Variants in DNAH1 observed in about 807,000 individuals in gnomAD.
The protein encoded by DNAH1 is axonemal beta dynein heavy chain 1.
DNAH1 carries 327 observed loss-of-function variants against 484.3 expected under a neutral mutation model. That is an observed-to-expected ratio of 0.68 (90% confidence interval 0.62 to 0.74). The LOEUF (loss-of-function observed/expected upper bound fraction) is 0.74, where lower values mean the gene tolerates loss of function less well. Among genes scored for constraint, DNAH1 ranks in the 30% least tolerant of loss-of-function variants. The probability of loss-of-function intolerance (pLI) is 0.00; values close to 1 mark genes in which losing one functional copy is unlikely to be tolerated. For synonymous variants in DNAH1, 2,192 were observed against 2,191.9 expected (o/e 1.00, Z 0.00); for missense variants, 5,052 against 5,546.8 (o/e 0.91, Z 2.83).
At chr3:52,314,536 C>A (rs777996354), upstream of DNAH1, among the ~76,000 whole-genome samples, 16 of 152,204 alleles carry the variant, frequency 1.1e-4, no homozygotes, top group Non-Finnish European at 1.8e-4. Context: ...ATCTTCCAGT[C>A]ATTTCTATGG....
In DNAH1 at chr3:52,384,781, C is replaced by T; in HGVS notation, c.8323-5C>T. ...AGGCCGGCATCCATGGTCTTCCTCC[C>T]CCAGATCCAGGTCTGTGTGTACATC... is the stretch of plus-strand genomic sequence containing the variant. On this transcript the variant is annotated splice_polypyrimidine_tract_variant and splice_region_variant and intron_variant, in intron 52 of 77. Transcript: ENST00000420323. 6.3e-7 allele frequency: 1 copy of T among 1,596,828 alleles called. No individual in the cohort carries two copies. Among genetic ancestry groups the T allele is most frequent in the Non-Finnish European group, 8.5e-7 (1 of 1,171,274 alleles).
At chr3:52,322,811 C>A (rs934834510) in intron 2 of DNAH1, 36 bp downstream of exon 2, 1 of 1,543,056 alleles carries the variant, frequency 6.5e-7, no homozygotes, top group Admixed American at 1.9e-5. Flanking sequence ...AAGCCTCAAC[C>A]CTTCCTCTGG....
Position 52,394,668 on chromosome 3 carries a change from T to G in DNAH1, c.10823+7T>G. ...ACAGCCTTGAGCCCCACCGGTTAGC[T>G]GGGCCCCAGAATATGGCAGGATGAG... On this transcript the variant is annotated splice_region_variant and intron_variant, in intron 67 of 77. Coordinates refer to ENST00000420323, the MANE Select transcript of DNAH1 (RefSeq NM_015512.5). 1 of 1,559,316 alleles carries G rather than the reference T, an allele frequency of 6.4e-7. No individual in the cohort carries two copies. Among genetic ancestry groups the G allele is most frequent in the Non-Finnish European group, 8.7e-7 (1 of 1,148,918 alleles).
At position 52,353,322 on chromosome 3, in the gene DNAH1, A is replaced by G. The variant is rs1272542960; in HGVS notation, c.3226+21A>G. 8 of 1,609,510 alleles carry G rather than the reference A, an allele frequency of 5.0e-6. No homozygotes were observed. Among genetic ancestry groups the G allele is most frequent in the African/African-American group, 2.7e-5 (2 of 74,866 alleles). ...GCCAGGTAGGGAGCCAAGCCGGCCA[A>G]TCCCCTCCTCCCTGCCTCTGCCGCC... On this transcript the variant is annotated intron_variant, in intron 19 of 77. Transcript: ENST00000420323. The surrounding 1 kb of genome is among the most constrained non-coding windows in gnomAD (Gnocchi z 5.0).
intron 76 of DNAH1, 91 bp from the exon 77 acceptor site, chr3:52,399,454 T>G (rs1704804533): frequency 4.2e-6 from 5 of 1,180,422 alleles, no homozygotes; most frequent in Non-Finnish European, 6.0e-6. Flanking sequence ...CAGGCAGCAT[T>G]AGGCAGCTCT....
Position 52,393,432 on chromosome 3 carries a change from T to A in DNAH1, c.10573T>A (p.Phe3525Ile), listed in dbSNP as rs771902801. The A allele has an allele frequency of 1.2e-6, 2 of 1,614,000 alleles. No homozygotes were observed. The highest frequency in any genetic ancestry group is 2.2e-5 in the South Asian group (2 of 91,076). The change falls in exon 66 of 78, where the codon TTT becomes ATT. Residue 3525 changes from phenylalanine (F) to isoleucine (I), a missense_variant. Transcript: ENST00000420323. Reference sequence around the variant, plus strand: ...CCTCTTTGAGAAGCACAAGCTGATGTTTGCCTTCCTGCTGTGTGTTCGCAT... The same window carrying A: ...CCTCTTTGAGAAGCACAAGCTGATGATTGCCTTCCTGCTGTGTGTTCGCAT... Reference protein sequence around the residue: ...RSLFEKHKLMFAFLLCVRIMM... With the variant: ...RSLFEKHKLMIAFLLCVRIMM...
intron 8 of DNAH1, 40 bp from the exon 9 acceptor site, chr3:52,344,450 T>A: frequency 6.2e-7 from 1 of 1,601,772 alleles, no homozygotes; most frequent in Non-Finnish European, 8.5e-7. Flanking sequence ...TCACAGGGTG[T>A]GGAGCCCCTG....
In DNAH1 at chr3:52,381,883, T is replaced by A; in HGVS notation, c.7805+47T>A. On this transcript the variant is annotated intron_variant, in intron 49 of 77. Transcript: ENST00000420323. This position sits in a 1 kb window ranked among gnomAD's most constrained non-coding sequence, Gnocchi z 4.1. ...TGGGCAGTGGGCGGCCAGGGCTGGCTGGTCGGTTTGACTGACCCATGCTTT... is the reference window on the plus strand; with the variant it reads ...TGGGCAGTGGGCGGCCAGGGCTGGCAGGTCGGTTTGACTGACCCATGCTTT... 6.5e-7 allele frequency: 1 copy of A among 1,527,648 alleles called. No homozygotes were observed. The highest frequency in any genetic ancestry group is 8.8e-7 in the Non-Finnish European group (1 of 1,134,336). 94.6% of individuals were successfully genotyped at this position (1,527,648 alleles called of 1,614,324 possible). A position where few individuals can be genotyped will look rare whatever the true frequency, so the allele number is the denominator to read the frequency against.
At position 52,385,445 on chromosome 3, in the gene DNAH1, A is replaced by G. The variant is rs929493421; in HGVS notation, c.8623A>G (p.Lys2875Glu). The G allele has an allele frequency of 2.6e-6, 4 of 1,550,168 alleles. No homozygotes were observed. The African/African-American group carries it at 5.5e-5, about 21-fold the overall frequency. ...CACCATGCTCACCATGGAGCAGATC[A>G]AGGTTGGGGTGCTCCCGAGCCCCTC... is the stretch of plus-strand genomic sequence containing the variant. Reference protein sequence around the residue: ...KDTMLTMEQIKVDTAIAEETR... With the variant: ...KDTMLTMEQIEVDTAIAEETR... The change falls in exon 54 of 78, where the codon AAG becomes GAG. Residue 2875 changes from lysine to glutamate, a missense_variant and splice_region_variant. Lys to Glu is a moderately conservative substitution (Grantham distance 56). Transcript: ENST00000420323.
chr3:52,353,235 G>A lies in DNAH1; in HGVS notation c.3160G>A (p.Glu1054Lys), dbSNP rs1348264709. ...PLSAIDAEQL[E>K]KNVVEAFKTM... ...CTCTGCCATCGATGCTGAGCAGCTGGAGAAGAACGTGGTTGAAGCCTTCAA... is the reference window on the plus strand; with the variant it reads ...CTCTGCCATCGATGCTGAGCAGCTGAAGAAGAACGTGGTTGAAGCCTTCAA... Residue 1054 changes from glutamate to lysine, a missense_variant, in exon 19 of 78, where the codon GAG (glutamate) becomes AAG (lysine). By Grantham distance (56) the Glu-to-Lys change is moderately conservative (BLOSUM62 1). Around this residue, in one of 4 missense-constraint regions of DNAH1, gnomAD observed 2,929 missense variants for 3,409.4 expected, o/e 0.86. Transcript: ENST00000420323. This position sits in a 1 kb window ranked among gnomAD's most constrained non-coding sequence, Gnocchi z 5.0. 1.2e-6 allele frequency: 2 copies of A among 1,614,014 alleles called. No individual in the cohort carries two copies. Among genetic ancestry groups the A allele is most frequent in the South Asian group, 2.2e-5 (2 of 91,086 alleles).
Position 52,366,454 on chromosome 3 carries a change from C to A in DNAH1, c.5519-3C>A. The A allele has an allele frequency of 6.3e-7, 1 of 1,588,504 alleles. No homozygotes were observed. The highest frequency in any genetic ancestry group is 2.3e-5 in the East Asian group (1 of 43,084). On this transcript the variant is annotated splice_region_variant and splice_polypyrimidine_tract_variant and intron_variant, in intron 34 of 77. Transcript: ENST00000420323. ...CCCTTGGGCCCCATGCCATGTCCCC[C>A]AGGCTTCCTGACAAAGTGCATCCAG...
At position 52,362,352 on chromosome 3, in the gene DNAH1, C is replaced by A. The variant is rs912742201; in HGVS notation, c.4981-36C>A. ...CAGAGGAGGGGACAAGGCTGGGCAC[C>A]CTAGTCCCAGGCAAGTCAGCCTCTC... On this transcript the variant is annotated intron_variant, in intron 30 of 77. Coordinates refer to ENST00000420323, the MANE Select transcript of DNAH1 (RefSeq NM_015512.5). The surrounding 1 kb of genome is among the most constrained non-coding windows in gnomAD (Gnocchi z 5.1). 6.3e-7 allele frequency: 1 copy of A among 1,586,450 alleles called. No individual in the cohort carries two copies. Among genetic ancestry groups the A allele is most frequent in the Admixed American group, 1.7e-5 (1 of 57,884 alleles).
Position 52,353,688 on chromosome 3 carries a change from GAC to G in DNAH1, c.3480+56_3480+57del. 6.5e-7 allele frequency: 1 copy of G among 1,548,122 alleles called. No homozygotes were observed. ...CCAGCCAGGCCCTGCCGGACAGCCTGACCTCCTGCTCTGGCAACCACAGCCAC... is the reference window on the plus strand; with the variant it reads ...CCAGCCAGGCCCTGCCGGACAGCCTGCTCCTGCTCTGGCAACCACAGCCAC... On this transcript the variant is annotated intron_variant, in intron 20 of 77. Transcript: ENST00000420323. The surrounding 1 kb of genome is among the most constrained non-coding windows in gnomAD (Gnocchi z 5.0).
intron 50 of DNAH1, 51 bp downstream of exon 50, chr3:52,382,506 C>T: frequency 6.2e-7 from 1 of 1,603,974 alleles, no homozygotes; most frequent in South Asian, 1.1e-5. Context: ...GACACAACCC[C>T]ATCTGAGCAT....
rs370790729 is a variant in DNAH1 at position 52,398,850 on chromosome 3, G to A, written c.12090G>A (p.Arg4030=). Residue 4030 remains arginine, a splice_region_variant and synonymous_variant, in exon 76 of 78, where the codon AGG becomes AGA. Coordinates refer to ENST00000420323, the MANE Select transcript of DNAH1 (RefSeq NM_015512.5). ...TATTCTCTTGCCACTGGCCTCACAG[G>A]TACAATCGGCTGCTGCAGGTGATCA... is the stretch of plus-strand genomic sequence containing the variant. ...MNTVLVQEVI[R]YNRLLQVITQ... 6.5e-7 allele frequency: 1 copy of A among 1,538,132 alleles called. No individual in the cohort carries two copies. Among genetic ancestry groups the A allele is most frequent in the Non-Finnish European group, 8.8e-7 (1 of 1,139,122 alleles).
chr3:52,374,535 C>T, intron 44 of DNAH1: 1 of 1,494,406 alleles, frequency 6.7e-7, no homozygotes, highest in South Asian at 1.1e-5. Flanking sequence ...GACCATGGAG[C>T]CCCTCTTCCG....
chr3:52,371,836 A>G lies in DNAH1; in HGVS notation c.6526-110A>G. 4 of 1,502,226 alleles carry G rather than the reference A, an allele frequency of 2.7e-6. No individual in the cohort carries two copies. The South Asian group carries it at 3.9e-5, about 15-fold the overall frequency. 93.1% of individuals were successfully genotyped at this position (1,502,226 alleles called of 1,614,324 possible). ...AGCCCTGCACCTGGACCCGCTTGCC[A>G]AAGCCCAGCCGTGCAGCTCCTGGCC... On this transcript the variant is annotated intron_variant, in intron 41 of 77. Transcript: ENST00000420323.
intron 8 of DNAH1, 139 bp from the exon 9 acceptor site, chr3:52,344,351 G>A: frequency 2.9e-6 from 3 of 1,033,644 alleles, no homozygotes; most frequent in Non-Finnish European, 4.1e-6. Flanking sequence ...TCAGGGCCGG[G>A]TGGGGGTGTG....
intron 1 of DNAH1, among the ~76,000 whole-genome samples, chr3:52,320,758 A>G (rs1384895027): frequency 7.5e-6 from 1 of 132,974 alleles, no homozygotes; most frequent in Non-Finnish European, 1.6e-5. Context: ...CTAGGCCTCT[A>G]TTTCCTTTCA....
Sources: allele counts gnomAD v4.1 joint callset (sites outside exome capture counted in the v4.1 genomes callset), GRCh38; gene constraint gnomAD v4.1.1; regional missense constraint gnomAD v4.1.1; non-coding constraint Gnocchi (gnomAD v3.1); transcripts MANE v1.5; gene names NCBI Gene and HGNC (gene_info 2026-07-23, HGNC 2026-07-21).